ITGB5: variants seen among roughly 807,000 people sequenced by gnomAD.
ITGB5 encodes the protein integrin subunit beta 5.
A neutral mutation model predicts 84.8 loss-of-function variants in ITGB5; 38 were observed. The observed-to-expected ratio is 0.45, with a 90% confidence interval of 0.35 to 0.59. The LOEUF (loss-of-function observed/expected upper bound fraction) is 0.59, where lower values mean the gene tolerates loss of function less well. ITGB5 is among the 20% of genes least tolerant of loss of function. The pLI, the probability that ITGB5 is intolerant of heterozygous loss-of-function variation, is 0.01. For missense variants in ITGB5, 905 were observed against 1,034.5 expected (o/e 0.87, Z 1.72); for synonymous variants, 393 against 414.4 (o/e 0.95, Z 0.63).
chr3:124,832,443 A>G (rs1366635699), intron 5 of ITGB5, among the ~76,000 whole-genome samples: 1 of 152,230 alleles, frequency 6.6e-6, no homozygotes, highest in Non-Finnish European at 1.5e-5. Context: ...GGAGTATGTG[A>G]AAGAAACCCT....
At chr3:124,777,507 C>A (rs894087815) in intron 10 of ITGB5, among the ~76,000 whole-genome samples, 1 of 152,220 alleles carries the variant, frequency 6.6e-6, no homozygotes, top group Non-Finnish European at 1.5e-5. Flanking sequence ...TGATAATAGT[C>A]CCAGTTGAGT....
chr3:124,863,526 T>C (rs188935637), intron 2 of ITGB5, among the ~76,000 whole-genome samples: 65 of 152,336 alleles, frequency 4.3e-4, no homozygotes, highest in Admixed American at 1.3e-3. Context: ...AGTATTTTTA[T>C]TTTCATTTTT....
intron 10 of ITGB5, among the ~76,000 whole-genome samples, chr3:124,775,231 TGA>T (rs756808536): frequency 1.6e-4 from 24 of 152,070 alleles, no homozygotes; most frequent in Non-Finnish European, 2.9e-4. Flanking sequence ...TGAGTGTGTA[TGA>T]GTGTGTGAGT....
chr3:124,853,502 AG>A (rs1387879306), intron 3 of ITGB5, among the ~76,000 whole-genome samples: 1 of 152,222 alleles, frequency 6.6e-6, no homozygotes, highest in Non-Finnish European at 1.5e-5. Flanking sequence ...CTCCAAGCCC[AG>A]GGCTCGATAC....
At chr3:124,856,213 G>C (rs976260689) in intron 3 of ITGB5, among the ~76,000 whole-genome samples, 2 of 152,130 alleles carry the variant, frequency 1.3e-5, no homozygotes, top group East Asian at 3.9e-4. Flanking sequence ...TCTTCTACAG[G>C]AACTGCTGTA....
chr3:124,778,940 T>A (rs56283976), intron 10 of ITGB5, among the ~76,000 whole-genome samples: 4,029 of 152,134 alleles, frequency 0.026, 191 homozygotes, highest in African/African-American at 0.092. Context: ...GGGTGTGGGC[T>A]GGAGCTCAGT....
At chr3:124,864,201 G>C (rs569445362) in intron 2 of ITGB5, among the ~76,000 whole-genome samples, 1 of 139,592 alleles carries the variant, frequency 7.2e-6, no homozygotes, top group African/African-American at 2.7e-5. Flanking sequence ...TCCGCCTCCC[G>C]GTTCAAGCCA....
In ITGB5 at chr3:124,861,400, C is replaced by T. The variant is rs528974286; in HGVS notation, c.157-1954G>A. On this transcript the variant is annotated intron_variant, in intron 2 of 14. Transcript: ENST00000296181. ...GAGGATCGCTCGAGCCCAGGAGCTC[C>T]GGGCTGCAGTGGGCTATGATCCATG... is the stretch of plus-strand genomic sequence containing the variant. Among the ~76,000 whole-genome samples, 10 of 150,522 alleles carry T rather than the reference C, an allele frequency of 6.6e-5. 1 individual carries two copies. Among genetic ancestry groups the T allele is most frequent in the East Asian group, 3.9e-4 (2 of 5,068 alleles).
At chr3:124,782,965 CCTTT>C (rs1286187007) in intron 10 of ITGB5, among the ~76,000 whole-genome samples, 3 of 147,958 alleles carry the variant, frequency 2.0e-5, no homozygotes, top group African/African-American at 7.5e-5. Flanking sequence ...TATTATTTTC[CCTTT>C]CTTTCTTTTT....
At chr3:124,783,165 C>T (rs1579191556) in intron 10 of ITGB5, among the ~76,000 whole-genome samples, 1 of 151,710 alleles carries the variant, frequency 6.6e-6, no homozygotes, top group East Asian at 1.9e-4. Flanking sequence ...GTGGCAGGCG[C>T]CTGTAATTCC....
intron 4 of ITGB5, among the ~76,000 whole-genome samples, chr3:124,845,855 C>T (rs1666120384): frequency 6.6e-6 from 1 of 152,158 alleles, no homozygotes; most frequent in Admixed American, 6.5e-5. Context: ...AGGCTTAAGG[C>T]TTGCAGTTAA....
In ITGB5 at chr3:124,763,677, A is replaced by G. The variant is rs767804059; in HGVS notation, c.2346T>C (p.Thr782=). Residue 782 remains threonine (T), a synonymous_variant, in exon 15 of 15, where the codon ACT becomes ACC. Coordinates refer to ENST00000296181, the MANE Select transcript of ITGB5 (RefSeq NM_002213.5). The part of the protein sequence containing the change: ...PLYRKPISTH[T]VDFTFNKFNK... ...TGAACTTGTTGAAGGTGAAGTCCAC[A>G]GTGTGCGTGGAGATAGGCTTTCTGT... The G allele has an allele frequency of 1.2e-6, 2 of 1,610,554 alleles. No individual in the cohort carries two copies. The highest frequency in any genetic ancestry group is 8.5e-7 in the Non-Finnish European group (1 of 1,176,722).
At position 124,841,570 on chromosome 3, in the gene ITGB5, A is replaced by G; in HGVS notation, c.612-19T>C. ...CTTGTAACTAGAGAGGAAGAAGAGA[A>G]GAGTCACTTTTCCATCATTGTCTGT... is the stretch of plus-strand genomic sequence containing the variant. On this transcript the variant is annotated intron_variant, in intron 4 of 14. Transcript: ENST00000296181. 2 of 1,610,786 alleles carry G rather than the reference A, an allele frequency of 1.2e-6. No homozygotes were observed. Among genetic ancestry groups the G allele is most frequent in the Non-Finnish European group, 1.7e-6 (2 of 1,177,964 alleles).
Position 124,768,956 on chromosome 3 carries a change from C to T in ITGB5, c.2017+57G>A, listed in dbSNP as rs1026706600. 4.3e-6 allele frequency: 6 copies of T among 1,385,984 alleles called. No homozygotes were observed. The African/African-American group carries it at 5.7e-5, about 13-fold the overall frequency. The allele number at this position is 1,385,984 out of a possible 1,614,324, so 85.9% of individuals were successfully genotyped here. A position where few individuals can be genotyped will look rare whatever the true frequency, so the allele number is the denominator to read the frequency against. On this transcript the variant is annotated intron_variant, in intron 12 of 14. Transcript: ENST00000296181. The stretch of plus-strand genomic sequence containing the variant: ...CCTCCTGACTCAAGGCTAAAACTAC[C>T]CTCCTCCCCAGGAAGGAGAAAAACC...
intron 1 of ITGB5, among the ~76,000 whole-genome samples, chr3:124,895,435 T>C (rs1935083280): frequency 1.3e-5 from 2 of 152,150 alleles, no homozygotes; most frequent in African/African-American, 2.4e-5. Flanking sequence ...ATGTTGCTCA[T>C]GCTGGTCTTG....
chr3:124,819,859 C>T (rs762563286), intron 6 of ITGB5, 25 bp from the exon 7 acceptor site: 16 of 1,523,036 alleles, frequency 1.1e-5, no homozygotes, highest in Non-Finnish European at 2.7e-6. Flanking sequence ...AAAGTCAAGG[C>T]TATGACATTC....
chr3:124,792,577 A>AT (rs2150961908), intron 10 of ITGB5: 1 of 152,254 alleles, frequency 6.6e-6, no homozygotes, highest in Non-Finnish European at 1.5e-5. Flanking sequence ...ACTTCCCTGT[A>AT]TTTTTCAAGT....
At chr3:124,848,667 T>A in intron 3 of ITGB5, 109 bp from the exon 4 acceptor site, 1 of 1,211,698 alleles carries the variant, frequency 8.3e-7, no homozygotes, top group Non-Finnish European at 1.1e-6. Flanking sequence ...CTTTAGTGAT[T>A]GTGTGCCTCA....
At chr3:124,773,475 C>CTGTT (rs981599710) in intron 11 of ITGB5, among the ~76,000 whole-genome samples, 6 of 152,208 alleles carry the variant, frequency 3.9e-5, no homozygotes, top group African/African-American at 1.4e-4. Context: ...ATTTCTTGTT[C>CTGTT]TGTTTTTGTT....
Sources: gnomAD v4.1 joint callset for allele counts (sites outside exome capture counted in the v4.1 genomes callset) on GRCh38, gnomAD v4.1.1 for gene constraint, MANE v1.5 for transcripts, NCBI Gene and HGNC (gene_info 2026-07-23, HGNC 2026-07-21) for gene names.